Variants in PZP observed in about 807,000 individuals in gnomAD.
The protein encoded by PZP is pregnancy zone protein.
In PZP, 150 loss-of-function variants were observed where a neutral mutation model predicts 179.8. The ratio of observed to expected loss-of-function variants is 0.83; its 90% CI spans 0.73 to 0.96. The LOEUF (loss-of-function observed/expected upper bound fraction) is 0.96, where lower values mean the gene tolerates loss of function less well. Among genes scored for constraint, PZP ranks in the 40% least tolerant of loss-of-function variants. The pLI, the probability that PZP is intolerant of heterozygous loss-of-function variation, is 0.00. For missense variants in PZP, 1,689 were observed against 1,764.0 expected (o/e 0.96, Z 0.76); for synonymous variants, 624 against 652.3 (o/e 0.96, Z 0.66).
chr12:9,162,849 T>G (rs2120697887), intron 21 of PZP, among the ~76,000 whole-genome samples: 1 of 152,250 alleles, frequency 6.6e-6, no homozygotes, highest in Middle Eastern at 3.4e-3. Context: ...TGTGCCATGG[T>G]GGTTTGCTGC....
intron 13 of PZP, among the ~76,000 whole-genome samples, chr12:9,189,845 A>C (rs2121077421): frequency 6.6e-6 from 1 of 152,336 alleles, no homozygotes; most frequent in East Asian, 1.9e-4. Context: ...AGGAATAAAC[A>C]CTTTTCAAAA....
intron 15 of PZP, among the ~76,000 whole-genome samples, chr12:9,177,823 GA>G (rs1168280936): frequency 1.3e-5 from 2 of 152,116 alleles, no homozygotes; most frequent in African/African-American, 4.8e-5. Flanking sequence ...TGACTAAAAG[GA>G]ATAAGACAGA....
intron 29 of PZP, 45 bp from the exon 30 acceptor site, chr12:9,153,388 G>T (rs762740028): frequency 5.7e-5 from 87 of 1,539,472 alleles, no homozygotes; most frequent in Non-Finnish European, 7.7e-5. Flanking sequence ...TAAATTTTTG[G>T]CATCTGGGAT....
intron 29 of PZP, among the ~76,000 whole-genome samples, chr12:9,154,009 G>T (rs1336064941): frequency 1.3e-5 from 2 of 152,298 alleles, no homozygotes; most frequent in East Asian, 1.9e-4. Flanking sequence ...AAGTAGAAAG[G>T]AATGAAGAAG....
intron 17 of PZP, among the ~76,000 whole-genome samples, chr12:9,166,594 A>G (rs767753991): frequency 1.2e-4 from 18 of 152,358 alleles, no homozygotes; most frequent in Admixed American, 2.0e-4. Context: ...TATACTAAAA[A>G]TGAAATTACC....
intron 15 of PZP, among the ~76,000 whole-genome samples, chr12:9,173,860 C>T (rs1278379606): frequency 1.3e-5 from 2 of 152,080 alleles, no homozygotes; most frequent in Non-Finnish European, 2.9e-5. Context: ...AAAAAAAGCC[C>T]AGGACCAGAT....
intron 7 of PZP, among the ~76,000 whole-genome samples, chr12:9,200,027 G>A (rs1039669845): frequency 1.3e-5 from 2 of 152,150 alleles, no homozygotes; most frequent in African/African-American, 2.4e-5. Context: ...TTAAGTGATC[G>A]TGTTGTCGCA....
Position 9,196,310 on chromosome 12 carries a change from T to G in PZP, c.1092+20A>C. On this transcript the variant is annotated intron_variant, in intron 10 of 35. Transcript: ENST00000261336. ...TGCAACTGGATACTTTGCTTACCTGTGCATTACAACATATCTTACCTGTGC... is the reference window on the plus strand; with the variant it reads ...TGCAACTGGATACTTTGCTTACCTGGGCATTACAACATATCTTACCTGTGC... 2.6e-6 allele frequency: 4 copies of G among 1,540,540 alleles called. No homozygotes were observed. In the South Asian group the frequency reaches 4.5e-5, roughly 17 times the overall value.
At position 9,201,070 on chromosome 12, in the gene PZP, A is replaced by G. The variant is rs745820201; in HGVS notation, c.502-10T>C. Reference sequence around the variant, plus strand: ...GATTTCTTCTTGGGTTCTGAAGGGAAACAAGAAACATGGGCGGTAATCATT... The same window carrying G: ...GATTTCTTCTTGGGTTCTGAAGGGAGACAAGAAACATGGGCGGTAATCATT... On this transcript the variant is annotated splice_polypyrimidine_tract_variant and intron_variant, in intron 5 of 35. Coordinates refer to ENST00000261336, the MANE Select transcript of PZP (RefSeq NM_002864.3). The G allele has an allele frequency of 6.2e-7, 1 of 1,613,536 alleles. No individual in the cohort carries two copies.
chr12:9,182,247 GTCTC>G (rs1473861400), intron 13 of PZP, 130 bp from the exon 14 acceptor site: 2 of 794,556 alleles, frequency 2.5e-6, no homozygotes, highest in Non-Finnish European at 3.6e-6. Context: ...TAATGGCTTA[GTCTC>G]TCTATGTGCC....
At position 9,192,531 on chromosome 12, in the gene PZP, T is replaced by A. The variant is rs1405324780; in HGVS notation, c.1463A>T (p.Glu488Val). The change falls in exon 12 of 36, where the codon GAG (glutamate) becomes GTG (valine). Residue 488 changes from glutamate to valine, a missense_variant. This residue lies in a region of PZP where 742 missense variants were observed against 730.5 expected (regional missense o/e 1.02). Transcript: ENST00000261336. ...LNRQAMGELSELSFHYLIMAK... is the reference protein window; with the variant it reads ...LNRQAMGELSVLSFHYLIMAK... ...TCTTACCAGGTAATGGAAACTGAGC[T>A]CCGATAACTCTCCCATGGCCTGTCT... The A allele has an allele frequency of 6.2e-7, 1 of 1,613,396 alleles. No individual in the cohort carries two copies. The highest frequency in any genetic ancestry group is 1.3e-5 in the African/African-American group (1 of 74,900).
At chr12:9,174,661 C>G (rs1001122777) in intron 15 of PZP, among the ~76,000 whole-genome samples, 28 of 152,188 alleles carry the variant, frequency 1.8e-4, no homozygotes, top group African/African-American at 6.7e-4. Context: ...TTTCTATACA[C>G]CAACAACAGG....
Position 9,152,936 on chromosome 12 carries a change from T to G in PZP, c.4009A>C (p.Asn1337His), listed in dbSNP as rs745513813. 4 of 1,614,194 alleles carry G rather than the reference T, an allele frequency of 2.5e-6. No individual in the cohort carries two copies. In the East Asian group the frequency reaches 8.9e-5, roughly 36 times the overall value. The change falls in exon 31 of 36, where the codon AAT becomes CAT. Residue 1337 changes from asparagine to histidine, a missense_variant. Physicochemically the swap from Asn to His is moderately conservative, Grantham distance 68 (BLOSUM62 1). Transcript: ENST00000261336. ...CVYLQTSMKY[N>H]ILPEKEDSPF... ...GAGTCCTCTTTCTCTGGAAGAATAT[T>G]GTATTTCATGGATGTCTGTGAAACA... is the stretch of plus-strand genomic sequence containing the variant.
intron 23 of PZP, 94 bp from the exon 24 acceptor site, chr12:9,160,584 A>G (rs988698280): frequency 9.5e-6 from 11 of 1,158,304 alleles, no homozygotes; most frequent in Middle Eastern, 5.5e-4. Flanking sequence ...AGAGTCTATC[A>G]TTTAGGTAAG....
chr12:9,151,475 A>G (rs1477189028), intron 33 of PZP, 129 bp downstream of exon 33: 2 of 643,318 alleles, frequency 3.1e-6, no homozygotes, highest in Non-Finnish European at 5.2e-6. Context: ...TTCTTCTTGG[A>G]ATAGATAAAC....
downstream of PZP, among the ~76,000 whole-genome samples, chr12:9,144,548 C>T (rs1939904718): frequency 6.6e-6 from 1 of 151,920 alleles, no homozygotes; most frequent in African/African-American, 2.4e-5. Flanking sequence ...GAAAGAAACA[C>T]GATTAGTGGC....
chr12:9,141,366 A>G, the PZP span, among the ~76,000 whole-genome samples: 1 of 152,222 alleles, frequency 6.6e-6, no homozygotes, highest in African/African-American at 2.4e-5. Context: ...TCAATTTTTA[A>G]TAGAACCTTG....
At chr12:9,194,609 C>A (rs1475326011) in intron 10 of PZP, among the ~76,000 whole-genome samples, 1 of 151,904 alleles carries the variant, frequency 6.6e-6, no homozygotes, top group East Asian at 1.9e-4. Flanking sequence ...GGACTACAGG[C>A]GCCCGCCACC....
At chr12:9,153,890 A>G (rs1940549409) in intron 29 of PZP, among the ~76,000 whole-genome samples, 1 of 152,250 alleles carries the variant, frequency 6.6e-6, no homozygotes, top group African/African-American at 2.4e-5. Context: ...ACAATCATTT[A>G]TACTCTCGAT....
Sources: gnomAD v4.1 joint callset for allele counts (sites outside exome capture counted in the v4.1 genomes callset) on GRCh38, gnomAD v4.1.1 for gene constraint, gnomAD v4.1.1 regional missense constraint, MANE v1.5 for transcripts, NCBI Gene and HGNC (gene_info 2026-07-23, HGNC 2026-07-21) for gene names.